The following DNM3 variants were observed in gnomAD, a reference collection of about 807,000 sequenced individuals.
DNM3 encodes the protein dynamin-3.
A neutral mutation model predicts 101.6 loss-of-function variants in DNM3; 47 were observed. The ratio of observed to expected loss-of-function variants is 0.46; its 90% CI spans 0.37 to 0.59. DNM3 has a LOEUF of 0.59. DNM3 is among the 20% of genes least tolerant of loss of function. The pLI is 0.00. For synonymous variants in DNM3, 385 were observed against 387.9 expected (o/e 0.99, Z 0.09); for missense variants, 849 against 1,085.7 (o/e 0.78, Z 3.06).
intron 4 of DNM3, among the ~76,000 whole-genome samples, chr1:172,028,058 G>A (rs2048337164): frequency 6.6e-6 from 1 of 152,060 alleles, no homozygotes; most frequent in Non-Finnish European, 1.5e-5. Context: ...TTCAGCTCTG[G>A]ACCAAGAGGA....
intron 1 of DNM3, among the ~76,000 whole-genome samples, chr1:171,879,055 GA>G (rs1251326534): frequency 6.6e-6 from 1 of 152,192 alleles, no homozygotes; most frequent in Non-Finnish European, 1.5e-5. Context: ...ACATCCTCAT[GA>G]TTCAATCTGC....
chr1:171,908,506 CT>C (rs1558248079), intron 1 of DNM3, among the ~76,000 whole-genome samples: 1 of 151,980 alleles, frequency 6.6e-6, no homozygotes, highest in African/African-American at 2.4e-5. Context: ...AGATTTCTAT[CT>C]TTTTTCCCCC....
rs550517366 is a variant in DNM3, at chr1:172,368,816, T to G, written c.1894-10202T>G. Among the ~76,000 whole-genome samples, 7 of 151,894 alleles carry G rather than the reference T, an allele frequency of 4.6e-5. No homozygotes were observed. The South Asian group carries it at 1.5e-3, about 32-fold the overall frequency. On this transcript the variant is annotated intron_variant, in intron 17 of 20. Transcript: ENST00000627582. The stretch of plus-strand genomic sequence containing the variant: ...AAAAAGAAATATTACAACTGATACT[T>G]CAGAAATACAAAGGATTATTGGAGA...
intron 14 of DNM3, among the ~76,000 whole-genome samples, chr1:172,244,867 A>G (rs910304315): frequency 1.3e-5 from 2 of 152,226 alleles, no homozygotes; most frequent in Admixed American, 1.3e-4. Context: ...ATATACCCAA[A>G]GGACTATAAA....
chr1:172,094,652 G>T (rs1344069677), intron 13 of DNM3, among the ~76,000 whole-genome samples: 1 of 152,200 alleles, frequency 6.6e-6, no homozygotes, highest in African/African-American at 2.4e-5. Flanking sequence ...CCCAGTACCA[G>T]ATATGTGCCC....
chr1:172,303,209 C>G (rs1266409521), intron 15 of DNM3, among the ~76,000 whole-genome samples: 1 of 152,120 alleles, frequency 6.6e-6, no homozygotes, highest in Non-Finnish European at 1.5e-5. Context: ...AGCTGAAAAC[C>G]ATGGCATGAG....
chr1:172,320,754 G>A (rs1030368252), intron 16 of DNM3, among the ~76,000 whole-genome samples: 1 of 152,130 alleles, frequency 6.6e-6, no homozygotes, highest in Non-Finnish European at 1.5e-5. Flanking sequence ...ACTCTGGGGG[G>A]ATAGGCCAGC....
chr1:171,887,220 A>G lies in DNM3; in HGVS notation c.162-34528A>G, dbSNP rs148729708. On this transcript the variant is annotated intron_variant, in intron 1 of 20. Transcript: ENST00000627582. Reference sequence around the variant, plus strand: ...TTATAGAAATAGAGGAATTTTAGAAATCATCTAATCTACTATCCTCACTTT... The same window carrying G: ...TTATAGAAATAGAGGAATTTTAGAAGTCATCTAATCTACTATCCTCACTTT... Among the ~76,000 whole-genome samples, 274 of 152,298 alleles carry G rather than the reference A, an allele frequency of 1.8e-3. 1 individual carries two copies. Among genetic ancestry groups the G allele is most frequent in the African/African-American group, 6.4e-3 (266 of 41,560 alleles).
chr1:171,944,922 G>A, intron 2 of DNM3, among the ~76,000 whole-genome samples: 1 of 126,930 alleles, frequency 7.9e-6, no homozygotes, highest in Non-Finnish European at 1.6e-5. Flanking sequence ...AGAATGCAGT[G>A]GCAAAATCAC....
At chr1:171,893,532 C>T (rs559386380) in intron 1 of DNM3, among the ~76,000 whole-genome samples, 318 of 152,078 alleles carry the variant, frequency 2.1e-3, no homozygotes, top group African/African-American at 7.5e-3. Flanking sequence ...CAGTTCACTG[C>T]AGCCTTGATT....
intron 1 of DNM3, among the ~76,000 whole-genome samples, chr1:171,897,128 CA>C (rs2037886426): frequency 1.3e-5 from 2 of 152,070 alleles, no homozygotes; most frequent in African/African-American, 4.8e-5. Context: ...GGCAGAATTC[CA>C]AATTGTAGAT....
chr1:172,019,386 A>G (rs1011991620), intron 4 of DNM3, among the ~76,000 whole-genome samples: 3 of 148,870 alleles, frequency 2.0e-5, no homozygotes, highest in Non-Finnish European at 3.0e-5. Flanking sequence ...TATATTTGCA[A>G]TCCTTTACTT....
At chr1:171,940,018 A>G (rs867544477) in intron 2 of DNM3, among the ~76,000 whole-genome samples, 3 of 152,184 alleles carry the variant, frequency 2.0e-5, no homozygotes, top group Non-Finnish European at 4.4e-5. Context: ...CTGACCACGC[A>G]GAGAAGGACA....
chr1:171,882,430 TACACACAC>T (rs34753464), intron 1 of DNM3, among the ~76,000 whole-genome samples: 250 of 145,408 alleles, frequency 1.7e-3, no homozygotes, highest in Non-Finnish European at 2.0e-3. Context: ...TCTCTCTCTA[TACACACAC>T]ACACACACAC....
At chr1:171,873,224 G>A (rs1405563238) in intron 1 of DNM3, among the ~76,000 whole-genome samples, 1 of 152,110 alleles carries the variant, frequency 6.6e-6, no homozygotes, top group East Asian at 1.9e-4. Flanking sequence ...TATTTCCCAG[G>A]GTGTTGAAGA....
At chr1:172,407,703 G>C in intron 20 of DNM3, 69 bp from the exon 21 acceptor site, 2 of 1,527,112 alleles carry the variant, frequency 1.3e-6, no homozygotes, top group Non-Finnish European at 1.8e-6. Flanking sequence ...CTCTTTCTCA[G>C]TGTCCTTGGA....
intron 4 of DNM3, among the ~76,000 whole-genome samples, chr1:172,018,763 A>G (rs1222092918): frequency 6.6e-6 from 1 of 152,258 alleles, no homozygotes; most frequent in African/African-American, 2.4e-5. Flanking sequence ...TGTTAGATCA[A>G]TTAAGGATTG....
At chr1:172,007,859 G>C (rs1458567820) in intron 4 of DNM3, among the ~76,000 whole-genome samples, 1 of 151,974 alleles carries the variant, frequency 6.6e-6, no homozygotes, top group Non-Finnish European at 1.5e-5. Flanking sequence ...TCAACCTCTT[G>C]GGCTCAAGCG....
intron 4 of DNM3, among the ~76,000 whole-genome samples, chr1:172,007,520 T>C (rs1033856344): frequency 8.5e-5 from 13 of 152,114 alleles, no homozygotes; most frequent in Non-Finnish European, 1.8e-4. Context: ...GAGTTAAAAA[T>C]ATTTCTGATA....
Sources: gnomAD v4.1 joint callset for allele counts (sites outside exome capture counted in the v4.1 genomes callset) on GRCh38, gnomAD v4.1.1 for gene constraint, MANE v1.5 for transcripts, NCBI Gene and HGNC (gene_info 2026-07-23, HGNC 2026-07-21) for gene names.